Variants in UNC119B observed in about 807,000 individuals in gnomAD.
UNC119B encodes protein unc-119 homolog B.
A neutral mutation model predicts 23.4 loss-of-function variants in UNC119B; 16 were observed. The ratio of observed to expected loss-of-function variants is 0.68; its 90% CI spans 0.46 to 1.04. UNC119B has a LOEUF of 1.04. Among genes scored for constraint, UNC119B ranks in the 50% least tolerant of loss-of-function variants. UNC119B has a pLI of 0.00. For missense variants in UNC119B, 350 were observed against 361.3 expected (o/e 0.97, Z 0.25); for synonymous variants, 144 against 145.4 (o/e 0.99, Z 0.07).
At chr12:120,710,843 C>T (rs1882648740) in intron 1 of UNC119B, 125 bp downstream of exon 1, 1 of 962,594 alleles carries the variant, frequency 1.0e-6, no homozygotes, top group Non-Finnish European at 1.3e-6. Context: ...CCGGGCCGCG[C>T]TTCCCGCTGC....
chr12:120,719,136 G>C (rs1379038613), intron 4 of UNC119B, among the ~76,000 whole-genome samples: 2 of 152,184 alleles, frequency 1.3e-5, no homozygotes, highest in Admixed American at 1.3e-4. Context: ...TCCTCCAGGG[G>C]ACTCCAAATG....
chr12:120,711,415 C>T (rs1051001491), intron 1 of UNC119B: 1 of 152,260 alleles, frequency 6.6e-6, no homozygotes, highest in African/African-American at 2.4e-5. Context: ...TTCAGAGTTT[C>T]AGAAATGCGT....
At chr12:120,716,132 C>T (rs1048960606) in intron 2 of UNC119B, among the ~76,000 whole-genome samples, 4 of 152,214 alleles carry the variant, frequency 2.6e-5, no homozygotes, top group Admixed American at 2.6e-4. Context: ...TTTGTAGCCT[C>T]ATTCTTTTAG....
intron 1 of UNC119B, among the ~76,000 whole-genome samples, chr12:120,712,204 C>T (rs1279954779): frequency 6.6e-6 from 1 of 152,216 alleles, no homozygotes; most frequent in Non-Finnish European, 1.5e-5. Flanking sequence ...AGTCTGGCAA[C>T]CTCTTTGTTA....
At position 120,712,114 on chromosome 12, in the gene UNC119B, A is replaced by G. The variant is rs755544719; in HGVS notation, c.245-1160A>G. On this transcript the variant is annotated intron_variant, in intron 1 of 4. Transcript: ENST00000344651. ...TATTCTGTGCCTGGCCCTAAGCAGG[A>G]TTCTCAGTGGGCACTCAGATCCTAT... Among the ~76,000 whole-genome samples, 78 of 152,156 alleles carry G rather than the reference A, an allele frequency of 5.1e-4. 1 individual carries two copies. Among genetic ancestry groups the G allele is most frequent in the Admixed American group, 2.7e-3 (41 of 15,266 alleles).
intron 4 of UNC119B, among the ~76,000 whole-genome samples, chr12:120,718,020 C>G (rs988180014): frequency 6.6e-6 from 1 of 152,094 alleles, no homozygotes; most frequent in Non-Finnish European, 1.5e-5. Flanking sequence ...AGGTGCCCAC[C>G]ACCATGCCCG....
Position 120,716,875 on chromosome 12 carries a change from A to T in UNC119B, c.476A>T (p.Glu159Val). Residue 159 changes from glutamate (E) to valine (V), a missense_variant, in exon 4 of 5, where the codon GAG becomes GTG. Transcript: ENST00000344651. Reference protein sequence around the residue: ...LRLRTVGATVEFTVGDKPVSN... With the variant: ...LRLRTVGATVVFTVGDKPVSN... ...TACAGAGATTTATTTTCCAGGGTGG[A>T]GTTCACAGTGGGAGACAAACCTGTT... 1 of 1,609,428 alleles carries T rather than the reference A, an allele frequency of 6.2e-7. No homozygotes were observed. The highest frequency in any genetic ancestry group is 8.5e-7 in the Non-Finnish European group (1 of 1,176,552).
At chr12:120,717,064 C>G in intron 4 of UNC119B, 22 bp downstream of exon 4, 1 of 1,547,180 alleles carries the variant, frequency 6.5e-7, no homozygotes. Flanking sequence ...CTGACCCTTA[C>G]AGCACTCTAG....
At chr12:120,711,948 T>C (rs1381835735) in intron 1 of UNC119B, among the ~76,000 whole-genome samples, 2 of 152,234 alleles carry the variant, frequency 1.3e-5, no homozygotes, top group Non-Finnish European at 2.9e-5. Context: ...TCTTTAGACA[T>C]TCTTGTTAGT....
At position 120,710,549 on chromosome 12, in the gene UNC119B, G is replaced by A. The variant is rs1404652448; in HGVS notation, c.75G>A (p.Glu25=). Residue 25 remains glutamate (E), a synonymous_variant, in exon 1 of 5, where the codon GAG becomes GAA. Transcript: ENST00000344651. ...CCGGGGGGCTGGTGGCTGGCAAGGA[G>A]GAGAAGAAGAAGGCGGGCGGCGGCG... ...AGPGGLVAGK[E]EKKKAGGGVL... is the part of the protein sequence containing the mutation. 1.7e-5 allele frequency: 23 copies of A among 1,391,744 alleles called. No individual in the cohort carries two copies. Among genetic ancestry groups the A allele is most frequent in the African/African-American group, 4.5e-5 (3 of 66,070 alleles). The allele number at this position is 1,391,744 out of a possible 1,614,324, so 86.2% of individuals were successfully genotyped here.
At chr12:120,710,839 C>T (rs1012310276) in intron 1 of UNC119B, 121 bp downstream of exon 1, 15 of 993,020 alleles carry the variant, frequency 1.5e-5, no homozygotes, top group Non-Finnish European at 1.8e-5. Context: ...CCGGCCGGGC[C>T]GCGCTTCCCG....
intron 2 of UNC119B, among the ~76,000 whole-genome samples, chr12:120,714,314 GT>G (rs58868791): frequency 1.6e-4 from 24 of 148,066 alleles, no homozygotes; most frequent in Admixed American, 1.3e-4. Context: ...TGTTTTGTGG[GT>G]TTTTTTTTTG....
intron 2 of UNC119B, among the ~76,000 whole-genome samples, chr12:120,714,028 C>G (rs1463485935): frequency 6.6e-6 from 1 of 152,200 alleles, no homozygotes; most frequent in African/African-American, 2.4e-5. Flanking sequence ...GATAAAGTGC[C>G]AGGCTGATCT....
In UNC119B at chr12:120,719,978, C is replaced by G. The variant is rs1166938135; in HGVS notation, c.702C>G (p.Asp234Glu). Reference sequence around the variant, plus strand: ...GCTCTGACAGCTTCTACTTTGTTGACAACAAGCTGATAATGCACAACAAGG... The same window carrying G: ...GCTCTGACAGCTTCTACTTTGTTGAGAACAAGCTGATAATGCACAACAAGG... ...ETRSDSFYFV[D>E]NKLIMHNKAD... The change falls in exon 5 of 5, where the codon GAC (aspartate) becomes GAG (glutamate). Residue 234 changes from aspartate (D) to glutamate (E), a missense_variant. By Grantham distance (45) the Asp-to-Glu change is conservative. Coordinates refer to ENST00000344651, the MANE Select transcript of UNC119B (RefSeq NM_001080533.3). 1.2e-5 allele frequency: 20 copies of G among 1,614,040 alleles called. No homozygotes were observed. The highest frequency in any genetic ancestry group is 1.5e-5 in the Non-Finnish European group (18 of 1,180,036).
In UNC119B at chr12:120,720,818, T is replaced by G. The variant is rs968809480; in HGVS notation, c.*786T>G. 6.6e-6 allele frequency: 1 copy of G among 152,206 alleles called. No homozygotes were observed. Among genetic ancestry groups the G allele is most frequent in the African/African-American group, 2.4e-5 (1 of 41,446 alleles). 9.4% of individuals were successfully genotyped at this position (152,206 alleles called of 1,614,324 possible). A position where few individuals can be genotyped will look rare whatever the true frequency, so the allele number is the denominator to read the frequency against. On this transcript the variant is annotated 3_prime_UTR_variant, in exon 5 of 5. Transcript: ENST00000344651. ...TGAGTCAGCTCTGCTCATGGAACAG[T>G]AGTATCTCTTGAGGCCAGAGCAGGT...
Position 120,710,508 on chromosome 12 carries a change from G to C in UNC119B, c.34G>C (p.Ala12Pro), listed in dbSNP as rs575746146. The C allele has an allele frequency of 7.3e-7, 1 of 1,363,450 alleles. No homozygotes were observed. Among genetic ancestry groups the C allele is most frequent in the Admixed American group, 3.7e-5 (1 of 26,968 alleles). 84.5% of individuals were successfully genotyped at this position (1,363,450 alleles called of 1,614,324 possible). The change falls in exon 1 of 5, where the codon GCG becomes CCG. Residue 12 changes from alanine (A) to proline (P), a missense_variant. Transcript: ENST00000344651. ...SGSNPKAAAA[A>P]SAAGPGGLVA... The stretch of plus-strand genomic sequence containing the variant: ...GTCTAACCCGAAGGCTGCGGCCGCG[G>C]CGTCGGCGGCTGGGCCCGGGGGGCT...
Position 120,710,461 on chromosome 12 carries a change from T to C in UNC119B, c.-14T>C. On this transcript the variant is annotated 5_prime_UTR_variant, in exon 1 of 5. Coordinates refer to ENST00000344651, the MANE Select transcript of UNC119B (RefSeq NM_001080533.3). ...CCGCGCTGTGGAGGCGGCGGCCATC[T>C]TGGCGGCGGAGCGATGAGCGGGTCT... 1 of 1,280,860 alleles carries C rather than the reference T, an allele frequency of 7.8e-7. No individual in the cohort carries two copies. Among genetic ancestry groups the C allele is most frequent in the Non-Finnish European group, 9.9e-7 (1 of 1,014,698 alleles). 79.3% of individuals were successfully genotyped at this position (1,280,860 alleles called of 1,614,324 possible).
At position 120,720,139 on chromosome 12, in the gene UNC119B, C is replaced by T. The variant is rs1305778585; in HGVS notation, c.*107C>T. On this transcript the variant is annotated 3_prime_UTR_variant, in exon 5 of 5. Coordinates refer to ENST00000344651, the MANE Select transcript of UNC119B (RefSeq NM_001080533.3). ...TCAACACACATCTGGAACCTGGCCC[C>T]AGGAAGCCAAGGCTGGGGTGGCAGT... is the stretch of plus-strand genomic sequence containing the variant. 2.4e-6 allele frequency: 2 copies of T among 850,418 alleles called. No individual in the cohort carries two copies. The highest frequency in any genetic ancestry group is 1.7e-5 in the African/African-American group (1 of 58,530). 52.7% of individuals were successfully genotyped at this position (850,418 alleles called of 1,614,324 possible).
intron 2 of UNC119B, among the ~76,000 whole-genome samples, chr12:120,715,245 T>G (rs1882752197): frequency 6.6e-6 from 1 of 152,178 alleles, no homozygotes; most frequent in Non-Finnish European, 1.5e-5. Context: ...ATCACTACCT[T>G]TCTGCAGCAC....
Sources: gnomAD v4.1 joint callset for allele counts (sites outside exome capture counted in the v4.1 genomes callset) on GRCh38, gnomAD v4.1.1 for gene constraint, MANE v1.5 for transcripts, NCBI Gene and HGNC (gene_info 2026-07-23, HGNC 2026-07-21) for gene names.